ADAMTS18: variants seen among roughly 807,000 people sequenced by gnomAD.
ADAMTS18 encodes the protein ADAM metallopeptidase with thrombospondin type 1 motif 18, also known as A disintegrin and metalloproteinase with thrombospondin motifs 18.
Under a neutral mutation model 165.9 loss-of-function variants are expected in ADAMTS18, and 157 were observed. That is an observed-to-expected ratio of 0.95 (90% confidence interval 0.83 to 1.08). The LOEUF is 1.08. ADAMTS18 is among the 50% of genes least tolerant of loss of function. The pLI is 0.00. For missense variants in ADAMTS18, 2,040 were observed against 1,534.0 expected, an observed-to-expected ratio of 1.33 and a Z score of -5.51; for synonymous variants, 782 against 578.2, an observed-to-expected ratio of 1.35 and a Z score of -5.06.
intron 10 of ADAMTS18, among the ~76,000 whole-genome samples, chr16:77,348,235 T>C (rs547197107): frequency 5.3e-4 from 80 of 152,266 alleles, no homozygotes; most frequent in Admixed American, 8.5e-4. Flanking sequence ...CACCACTAGA[T>C]AAATAAGACA....
chr16:77,353,682 C>T (rs1255465012), intron 10 of ADAMTS18, 51 bp downstream of exon 10: 3 of 1,613,046 alleles, frequency 1.9e-6, no homozygotes, highest in Non-Finnish European at 2.5e-6. Flanking sequence ...GTTAGGGACA[C>T]AGACACATTG....
chr16:77,286,428 C>T (rs2055252386), intron 22 of ADAMTS18, among the ~76,000 whole-genome samples: 1 of 152,000 alleles, frequency 6.6e-6, no homozygotes, highest in Admixed American at 6.6e-5. Flanking sequence ...GTAATCAGAC[C>T]CCAGAACAGT....
chr16:77,343,047 T>C (rs2056422379), intron 10 of ADAMTS18, among the ~76,000 whole-genome samples: 1 of 151,428 alleles, frequency 6.6e-6, no homozygotes, highest in Non-Finnish European at 1.5e-5. Context: ...AAAACCCTGC[T>C]AATGCACTGA....
chr16:77,392,054 GA>G (rs68048755), intron 3 of ADAMTS18, among the ~76,000 whole-genome samples: 4,342 of 152,254 alleles, frequency 0.029, 239 homozygotes, highest in African/African-American at 0.099. Flanking sequence ...TCATTGTGCA[GA>G]AAAATCGAAC....
chr16:77,351,260 T>C (rs1392852414), intron 10 of ADAMTS18, among the ~76,000 whole-genome samples: 4 of 152,210 alleles, frequency 2.6e-5, no homozygotes, highest in East Asian at 3.9e-4. Context: ...TCTTAAATCA[T>C]TTCTCTCTTA....
At chr16:77,362,291 T>G (rs1597171834) in intron 6 of ADAMTS18, 27 bp from the exon 7 acceptor site, 1 of 1,612,928 alleles carries the variant, frequency 6.2e-7, no homozygotes, top group Admixed American at 1.7e-5. Context: ...CAAATCAAAG[T>G]GTGAATTTGT....
chr16:77,325,255 G>A (rs75338875), intron 13 of ADAMTS18, among the ~76,000 whole-genome samples: 1,523 of 152,224 alleles, frequency 0.01, 27 homozygotes, highest in African/African-American at 0.035. Flanking sequence ...ATTCTACATA[G>A]GTAAGAGCAA....
intron 3 of ADAMTS18, among the ~76,000 whole-genome samples, chr16:77,416,217 G>C (rs1382473646): frequency 1.3e-5 from 2 of 152,144 alleles, no homozygotes; most frequent in African/African-American, 4.8e-5. Context: ...TCCAAGTGCA[G>C]TCACTGAGGT....
chr16:77,308,866 A>T (rs1394691711), intron 16 of ADAMTS18, among the ~76,000 whole-genome samples: 1 of 152,218 alleles, frequency 6.6e-6, no homozygotes, highest in African/African-American at 2.4e-5. Flanking sequence ...TTAATTTCTT[A>T]CAACACACAC....
At chr16:77,378,833 AG>A (rs1333898157) in intron 3 of ADAMTS18, 3 of 152,224 alleles carry the variant, frequency 2.0e-5, no homozygotes, top group Middle Eastern at 3.2e-3. Flanking sequence ...TGAGGGAACA[AG>A]AAGTCAAGAA....
chr16:77,311,247 G>C (rs932755988), intron 16 of ADAMTS18, among the ~76,000 whole-genome samples: 2 of 152,170 alleles, frequency 1.3e-5, no homozygotes, highest in Non-Finnish European at 2.9e-5. Flanking sequence ...TTCATTCATA[G>C]ATTTATTCTT....
intron 11 of ADAMTS18, among the ~76,000 whole-genome samples, chr16:77,337,972 C>T (rs1476943798): frequency 1.3e-5 from 2 of 148,622 alleles, no homozygotes; most frequent in African/African-American, 5.0e-5. Context: ...GGTGCGATCT[C>T]GGCTCACTGC....
At chr16:77,361,208 G>T (rs959635868) in intron 7 of ADAMTS18, among the ~76,000 whole-genome samples, 14 of 150,798 alleles carry the variant, frequency 9.3e-5, no homozygotes, top group African/African-American at 3.0e-4. Flanking sequence ...AGAGACCTGT[G>T]GCCTGCATAG....
At chr16:77,302,637 G>C (rs1328173933) in intron 16 of ADAMTS18, among the ~76,000 whole-genome samples, 1 of 151,964 alleles carries the variant, frequency 6.6e-6, no homozygotes, top group Non-Finnish European at 1.5e-5. Flanking sequence ...TCTGCCATAG[G>C]GGAACAGATC....
At position 77,328,585 on chromosome 16, in the gene ADAMTS18, C is replaced by G. The variant is rs2056135087; in HGVS notation, c.1860-2547G>C. 2.0e-5 allele frequency among the ~76,000 whole-genome samples: 3 copies of G among 152,172 alleles called. No homozygotes were observed. In the South Asian group the frequency reaches 6.2e-4, roughly 32 times the overall value. The stretch of plus-strand genomic sequence containing the variant: ...ACATGCTGCAGCCATTGTGATAAAT[C>G]AAATCCCTGAAGACTTCTTAAATGA... On this transcript the variant is annotated intron_variant, in intron 12 of 22. Coordinates refer to ENST00000282849, the MANE Select transcript of ADAMTS18 (RefSeq NM_199355.4).
chr16:77,432,032 T>A (rs1482513474), intron 2 of ADAMTS18, among the ~76,000 whole-genome samples: 1 of 152,228 alleles, frequency 6.6e-6, no homozygotes, highest in African/African-American at 2.4e-5. Flanking sequence ...GGAAATTTCT[T>A]CAAGGAGGTT....
At chr16:77,292,360 T>G (rs986985133) in intron 20 of ADAMTS18, among the ~76,000 whole-genome samples, 3 of 152,166 alleles carry the variant, frequency 2.0e-5, no homozygotes, top group Admixed American at 1.3e-4. Flanking sequence ...AAGGCCCTCA[T>G]GATTTTTCCA....
intron 3 of ADAMTS18, among the ~76,000 whole-genome samples, chr16:77,369,079 C>A (rs1232093169): frequency 1.3e-5 from 2 of 152,192 alleles, no homozygotes; most frequent in African/African-American, 4.8e-5. Flanking sequence ...TCAGCCTCAC[C>A]CAGGAACCTG....
intron 3 of ADAMTS18, among the ~76,000 whole-genome samples, chr16:77,368,144 T>C (rs564697119): frequency 2.0e-5 from 3 of 152,268 alleles, no homozygotes; most frequent in East Asian, 1.9e-4. Flanking sequence ...TCACCGTACC[T>C]GGCTGGACAA....
Sources: gnomAD v4.1 joint callset for allele counts (sites outside exome capture counted in the v4.1 genomes callset) on GRCh38, gnomAD v4.1.1 for gene constraint, MANE v1.5 for transcripts, NCBI Gene and HGNC (gene_info 2026-07-23, HGNC 2026-07-21) for gene names.